The following CELF4 variants were observed in gnomAD, a reference collection of about 807,000 sequenced individuals.
CELF4 encodes the protein CUG-BP- and ETR-3-like factor 4.
CELF4 carries 18 observed loss-of-function variants against 59.9 expected under a neutral mutation model. The observed-to-expected ratio is 0.30, with a 90% CI of 0.21 to 0.45. The LOEUF (loss-of-function observed/expected upper bound fraction) is 0.45. CELF4 is among the 20% of genes least tolerant of loss of function. The pLI is 1.00. For synonymous variants in CELF4, 261 were observed against 267.1 expected (o/e 0.98, Z 0.22); for missense variants, 456 against 689.0 (o/e 0.66, Z 3.79).
chr18:37,369,102 G>A (rs1221974784), intron 2 of CELF4, among the ~76,000 whole-genome samples: 1 of 152,156 alleles, frequency 6.6e-6, no homozygotes, highest in Admixed American at 6.5e-5. Flanking sequence ...CCAGGGAGAT[G>A]GAAACCTCCT....
At chr18:37,266,426 C>T (rs2077562920) in intron 9 of CELF4, 107 bp downstream of exon 9, 3 of 1,133,304 alleles carry the variant, frequency 2.6e-6, no homozygotes, top group African/African-American at 3.1e-5. Flanking sequence ...ACTCTCTCTC[C>T]CCACCCCATG....
chr18:37,524,392 T>C (rs1603643379), intron 1 of CELF4, among the ~76,000 whole-genome samples: 1 of 152,272 alleles, frequency 6.6e-6, no homozygotes, highest in East Asian at 1.9e-4. Flanking sequence ...TCTTTTAAAA[T>C]CCCTGTCTCT....
At chr18:37,370,130 C>G (rs1361893552) in intron 2 of CELF4, among the ~76,000 whole-genome samples, 1 of 152,204 alleles carries the variant, frequency 6.6e-6, no homozygotes, top group African/African-American at 2.4e-5. Context: ...AAGCAAGAGA[C>G]CCTCAGACTG....
intron 2 of CELF4, among the ~76,000 whole-genome samples, chr18:37,456,874 C>T (rs962487314): frequency 2.0e-5 from 3 of 152,050 alleles, no homozygotes; most frequent in African/African-American, 4.8e-5. Flanking sequence ...GACCACACCT[C>T]GGGAACTCCT....
intron 1 of CELF4, among the ~76,000 whole-genome samples, chr18:37,536,557 C>T (rs960574329): frequency 5.9e-5 from 9 of 152,202 alleles, no homozygotes; most frequent in Non-Finnish European, 1.3e-4. Flanking sequence ...TTTGCCTAAT[C>T]TGAGCATCAC....
At chr18:37,367,513 A>G (rs551975272) in intron 2 of CELF4, among the ~76,000 whole-genome samples, 2 of 152,086 alleles carry the variant, frequency 1.3e-5, no homozygotes, top group South Asian at 4.2e-4. Context: ...TGTCCTGCAT[A>G]AGATGCTTGG....
At chr18:37,392,483 CCCAGAGCTGAGAGGAGCGGGGA>C (rs2099173222) in intron 2 of CELF4, among the ~76,000 whole-genome samples, 1 of 152,194 alleles carries the variant, frequency 6.6e-6, no homozygotes. Context: ...GAACTAGAAA[CCCAGAGCTGAGAGGAGCGGGGA>C]AGAGGCAGCG....
At chr18:37,356,186 G>A (rs2098561892) in intron 2 of CELF4, among the ~76,000 whole-genome samples, 1 of 152,188 alleles carries the variant, frequency 6.6e-6, no homozygotes. Context: ...CCACCATGGG[G>A]CCATCAAAGC....
At chr18:37,276,746 C>A (rs2093354831) in intron 3 of CELF4, among the ~76,000 whole-genome samples, 1 of 152,196 alleles carries the variant, frequency 6.6e-6, no homozygotes, top group Non-Finnish European at 1.5e-5. Flanking sequence ...TTGTTTTACA[C>A]CACTCAGTTT....
intron 8 of CELF4, 25 bp from the exon 9 acceptor site, chr18:37,266,623 G>A: frequency 3.2e-6 from 5 of 1,561,216 alleles, no homozygotes; most frequent in Non-Finnish European, 4.3e-6. Context: ...GGGGACAGAG[G>A]TCAGCAGTGC....
At chr18:37,271,557 T>A (rs1601585562) in intron 7 of CELF4, among the ~76,000 whole-genome samples, 2 of 152,234 alleles carry the variant, frequency 1.3e-5, no homozygotes, top group Middle Eastern at 6.8e-3. Context: ...TACCTGGCCT[T>A]CCTTAAGTCT....
At chr18:37,346,690 G>A (rs147112811) in intron 2 of CELF4, among the ~76,000 whole-genome samples, 2 of 152,276 alleles carry the variant, frequency 1.3e-5, no homozygotes, top group East Asian at 3.9e-4. Context: ...GGCGAGGCTC[G>A]GGATTGGAGT....
chr18:37,494,495 G>T (rs570233287), intron 1 of CELF4, among the ~76,000 whole-genome samples: 4 of 152,350 alleles, frequency 2.6e-5, no homozygotes, highest in African/African-American at 9.6e-5. Context: ...CTGGCCAGCA[G>T]CTCCTACTGG....
intron 2 of CELF4, among the ~76,000 whole-genome samples, chr18:37,359,799 A>G (rs626146): frequency 0.85 from 129,495 of 151,964 alleles, 55,345 homozygotes; most frequent in East Asian, 0.92. Flanking sequence ...CGCCCACCTC[A>G]GCCTCCTAAA....
chr18:37,524,901 GC>G (rs1448899649), intron 1 of CELF4, among the ~76,000 whole-genome samples: 4 of 152,136 alleles, frequency 2.6e-5, no homozygotes, highest in African/African-American at 9.7e-5. Context: ...GGTCGCGGCG[GC>G]TGCGCCCCAG....
At position 37,253,791 on chromosome 18, in the gene CELF4, G is replaced by A; in HGVS notation, c.*20C>T. On this transcript the variant is annotated 3_prime_UTR_variant, in exon 12 of 13. Coordinates refer to ENST00000420428, the MANE Select transcript of CELF4 (RefSeq NM_020180.4). This position sits in a 1 kb window ranked among gnomAD's most constrained non-coding sequence, Gnocchi z 4.5. ...CCTGTGCGAGTCCTGGTCTCCCCCG[G>A]GGGACGCTCCCGCCGGCGCTCAGTA... 1 of 1,589,468 alleles carries A rather than the reference G, an allele frequency of 6.3e-7. No homozygotes were observed. The highest frequency in any genetic ancestry group is 8.6e-7 in the Non-Finnish European group (1 of 1,167,740).
chr18:37,274,808 C>T lies in CELF4; in HGVS notation c.654G>A (p.Met218Ile). 1 of 1,597,820 alleles carries T rather than the reference C, an allele frequency of 6.3e-7. No individual in the cohort carries two copies. Among genetic ancestry groups the T allele is most frequent in the Non-Finnish European group, 8.5e-7 (1 of 1,173,844 alleles). The change falls in exon 5 of 13, where the codon ATG becomes ATA. Residue 218 changes from methionine to isoleucine, a missense_variant. Coordinates refer to ENST00000420428, the MANE Select transcript of CELF4 (RefSeq NM_020180.4). ...GCCCCAAGGGGCCAGCACTCACCGG[C>T]ATGGTCTGGCTGCCGTGTAGCGCGT... Reference protein sequence around the residue: ...AINALHGSQTMPGASSSLVVK... With the variant: ...AINALHGSQTIPGASSSLVVK...
intron 1 of CELF4, among the ~76,000 whole-genome samples, chr18:37,509,823 C>T (rs1269727249): frequency 6.6e-6 from 1 of 152,194 alleles, no homozygotes; most frequent in Non-Finnish European, 1.5e-5. Flanking sequence ...GAATATTATT[C>T]AGCCATCAAA....
chr18:37,300,607 A>AG (rs2095958789), intron 3 of CELF4, among the ~76,000 whole-genome samples: 1 of 152,244 alleles, frequency 6.6e-6, no homozygotes, highest in Non-Finnish European at 1.5e-5. Context: ...TGCTCTGGGC[A>AG]GGGCACTGTG....
Sources: gnomAD v4.1 joint callset for allele counts (sites outside exome capture counted in the v4.1 genomes callset) on GRCh38, gnomAD v4.1.1 for gene constraint, Gnocchi (gnomAD v3.1) non-coding constraint, MANE v1.5 for transcripts, NCBI Gene and HGNC (gene_info 2026-07-23, HGNC 2026-07-21) for gene names.